Variants in KCNA2 observed in about 807,000 individuals in gnomAD.
The protein encoded by KCNA2 is potassium voltage-gated channel subfamily A member 2, also known as potassium channel, voltage gated shaker related subfamily A, member 2.
KCNA2 carries 11 observed loss-of-function variants against 33.4 expected under a neutral mutation model. That is an observed-to-expected ratio of 0.33 (90% CI 0.21 to 0.55). The LOEUF (loss-of-function observed/expected upper bound fraction) is 0.55. Among genes scored for constraint, KCNA2 ranks in the 20% least tolerant of loss-of-function variants. The probability of loss-of-function intolerance (pLI) is 0.93; values close to 1 mark genes in which losing one functional copy is unlikely to be tolerated. For synonymous variants in KCNA2, 222 were observed against 231.3 expected, an observed-to-expected ratio of 0.96 and a Z score of 0.37; for missense variants, 291 against 621.6, an observed-to-expected ratio of 0.47 and a Z score of 5.66.
chr1:110,617,802 G>C (rs1431111667), intron 1 of KCNA2, among the ~76,000 whole-genome samples: 1 of 152,250 alleles, frequency 6.6e-6, no homozygotes, highest in African/African-American at 2.4e-5. Flanking sequence ...ACCTGTGTGT[G>C]TGCACTCATG....
intron 1 of KCNA2, among the ~76,000 whole-genome samples, chr1:110,630,317 G>A (rs1353391388): frequency 6.6e-6 from 1 of 151,730 alleles, no homozygotes; most frequent in Non-Finnish European, 1.5e-5. Context: ...CACCACACCC[G>A]GCCAGTGCTC....
rs965513590 is a variant in KCNA2 at position 110,594,862 on chromosome 1, T to C, written c.*8421A>G. The C allele has an allele frequency of 2.0e-6, 2 of 985,474 alleles. No homozygotes were observed. The highest frequency in any genetic ancestry group is 3.5e-5 in the African/African-American group (2 of 57,364). The allele number at this position is 985,474 out of a possible 1,614,324, so 61.0% of individuals were successfully genotyped here. On this transcript the variant is annotated 3_prime_UTR_variant, in exon 3 of 3. Coordinates refer to ENST00000316361, the MANE Select transcript of KCNA2 (RefSeq NM_004974.4). ...AGCCCCACCTGGCAGGTCAAAGTCC[T>C]TGCCCTACACTTCATAGGCTAAAAA...
chr1:110,620,451 A>C (rs1283002962), intron 1 of KCNA2, among the ~76,000 whole-genome samples: 1 of 151,880 alleles, frequency 6.6e-6, no homozygotes, highest in Non-Finnish European at 1.5e-5. Context: ...ATGGCTGCCC[A>C]TCGTCTCACC....
intron 1 of KCNA2, among the ~76,000 whole-genome samples, chr1:110,629,345 G>A (rs932175966): frequency 9.9e-5 from 15 of 152,134 alleles, no homozygotes; most frequent in Admixed American, 9.8e-4. Flanking sequence ...TTTTGGAAAT[G>A]CATTTTTATT....
rs761826388 is a variant in KCNA2, at chr1:110,603,395, T to C, written c.1388A>G (p.Glu463Gly). Residue 463 changes from glutamate (E) to glycine (G), a missense_variant, in exon 3 of 3, where the codon GAG (glutamate) becomes GGG (glycine). Physicochemically the swap from Glu to Gly is moderately conservative, Grantham distance 98. This residue lies in a region of KCNA2 where 65 missense variants were observed against 95.1 expected (regional missense o/e 0.68). Transcript: ENST00000316361. The surrounding 1 kb of genome is among the most constrained non-coding windows in gnomAD (Gnocchi z 5.7). ...GTCCTCATTACTGTTATTTACACCCTCCTGGATCTCCATGTAATCAGACTT... is the reference window on the plus strand; with the variant it reads ...GTCCTCATTACTGTTATTTACACCCCCCTGGATCTCCATGTAATCAGACTT... ...ISKSDYMEIQ[E>G]GVNNSNEDFR... 2 of 1,614,230 alleles carry C rather than the reference T, an allele frequency of 1.2e-6. No individual in the cohort carries two copies. The highest frequency in any genetic ancestry group is 3.3e-5 in the Admixed American group (2 of 60,032).
Position 110,601,865 on chromosome 1 carries a change from C to A in KCNA2, c.*1418G>T, listed in dbSNP as rs990666012. 7.9e-5 allele frequency: 114 copies of A among 1,442,386 alleles called. No individual in the cohort carries two copies. Among genetic ancestry groups the A allele is most frequent in the Non-Finnish European group, 9.8e-5 (108 of 1,102,852 alleles). The allele number at this position is 1,442,386 out of a possible 1,614,324, so 89.3% of individuals were successfully genotyped here. On this transcript the variant is annotated 3_prime_UTR_variant, in exon 3 of 3. Transcript: ENST00000316361. ...ACACATATGTATGTATATATATACA[C>A]CCTAGTGCACATAGTCAAACACATG...
intron 1 of KCNA2, among the ~76,000 whole-genome samples, chr1:110,614,795 C>A (rs1649996173): frequency 6.6e-6 from 1 of 152,186 alleles, no homozygotes; most frequent in Non-Finnish European, 1.5e-5. Context: ...GAGAGGACAT[C>A]AAGGCTCAGA....
At position 110,598,090 on chromosome 1, in the gene KCNA2, T is replaced by C; in HGVS notation, c.*5193A>G. ...TCTGCGCGTTGGCTCAGGTGACTGATGATGTTAATGAGGTTAAGGTCATGA... is the reference window on the plus strand; with the variant it reads ...TCTGCGCGTTGGCTCAGGTGACTGACGATGTTAATGAGGTTAAGGTCATGA... On this transcript the variant is annotated 3_prime_UTR_variant, in exon 3 of 3. Transcript: ENST00000316361. 1 of 984,076 alleles carries C rather than the reference T, an allele frequency of 1.0e-6. No individual in the cohort carries two copies. The highest frequency in any genetic ancestry group is 1.2e-6 in the Non-Finnish European group (1 of 828,782). 61.0% of individuals were successfully genotyped at this position (984,076 alleles called of 1,614,324 possible).
upstream of KCNA2, among the ~76,000 whole-genome samples, chr1:110,609,033 C>T (rs914211665): frequency 1.3e-5 from 2 of 152,102 alleles, no homozygotes; most frequent in African/African-American, 4.8e-5. Flanking sequence ...CAGATTGCCC[C>T]GCCCTTTACT....
chr1:110,602,383 G>A lies in KCNA2; in HGVS notation c.*900C>T. On this transcript the variant is annotated 3_prime_UTR_variant, in exon 3 of 3. Transcript: ENST00000316361. ...GGTTATCTCCTGTGTTTTAAATATTGAGATTCATGCAACAAACACCCATGC... is the reference window on the plus strand; with the variant it reads ...GGTTATCTCCTGTGTTTTAAATATTAAGATTCATGCAACAAACACCCATGC... The A allele has an allele frequency of 7.1e-7, 1 of 1,399,632 alleles. No homozygotes were observed. Among genetic ancestry groups the A allele is most frequent in the South Asian group, 1.7e-5 (1 of 59,532 alleles). The allele number at this position is 1,399,632 out of a possible 1,614,324, so 86.7% of individuals were successfully genotyped here.
chr1:110,598,813 C>A lies in KCNA2; in HGVS notation c.*4470G>T. On this transcript the variant is annotated 3_prime_UTR_variant, in exon 3 of 3. Transcript: ENST00000316361. ...TACTGAAGTTTCAGAAAGCACAGAG[C>A]CTTAATTATTTTCTTAATTAAATGT... 2 of 985,254 alleles carry A rather than the reference C, an allele frequency of 2.0e-6. No homozygotes were observed. Among genetic ancestry groups the A allele is most frequent in the Non-Finnish European group, 2.4e-6 (2 of 829,832 alleles). The allele number at this position is 985,254 out of a possible 1,614,324, so 61.0% of individuals were successfully genotyped here.
chr1:110,594,129 T>A lies in KCNA2; in HGVS notation c.*9154A>T. On this transcript the variant is annotated 3_prime_UTR_variant, in exon 3 of 3. Transcript: ENST00000316361. ...TTCTGCTATTGATCCCAAGGAGGCT[T>A]ATTTATCTACCTCTTTGAGTTTTCA... 7.3e-7 allele frequency: 1 copy of A among 1,376,580 alleles called. No individual in the cohort carries two copies. 85.3% of individuals were successfully genotyped at this position (1,376,580 alleles called of 1,614,324 possible).
chr1:110,610,377 C>T (rs901412190), upstream of KCNA2, among the ~76,000 whole-genome samples: 7 of 152,216 alleles, frequency 4.6e-5, no homozygotes, highest in Admixed American at 4.6e-4. Context: ...TGACTGCTGC[C>T]TCTGCTTGAT....
In KCNA2 at chr1:110,594,660, A is replaced by G; in HGVS notation, c.*8623T>C. ...GGCCCTTCAAATGAAGGAACCATCC[A>G]AGCACGACAACAAAAGGAAACTGGG... is the stretch of plus-strand genomic sequence containing the variant. On this transcript the variant is annotated 3_prime_UTR_variant, in exon 3 of 3. Transcript: ENST00000316361. 1.0e-6 allele frequency: 1 copy of G among 985,416 alleles called. No individual in the cohort carries two copies. Among genetic ancestry groups the G allele is most frequent in the Non-Finnish European group, 1.2e-6 (1 of 829,978 alleles). The allele number at this position is 985,416 out of a possible 1,614,324, so 61.0% of individuals were successfully genotyped here. A position where few individuals can be genotyped will look rare whatever the true frequency, so the allele number is the denominator to read the frequency against.
upstream of KCNA2, among the ~76,000 whole-genome samples, chr1:110,608,789 C>T (rs569770627): frequency 1.2e-4 from 18 of 152,304 alleles, no homozygotes; most frequent in African/African-American, 4.3e-4. Context: ...TAAGTTATTT[C>T]ACTTCTCTGG....
intron 1 of KCNA2, among the ~76,000 whole-genome samples, chr1:110,617,820 C>T (rs764411312): frequency 6.6e-5 from 10 of 152,090 alleles, no homozygotes; most frequent in Non-Finnish European, 1.3e-4. Context: ...ATGCATGTGT[C>T]GAGGGATGGA....
In KCNA2 at chr1:110,600,737, C is replaced by T. The variant is rs1649303101; in HGVS notation, c.*2546G>A. 1.0e-6 allele frequency: 1 copy of T among 985,316 alleles called. No individual in the cohort carries two copies. The highest frequency in any genetic ancestry group is 1.7e-5 in the African/African-American group (1 of 57,214). The allele number at this position is 985,316 out of a possible 1,614,324, so 61.0% of individuals were successfully genotyped here. A position where few individuals can be genotyped will look rare whatever the true frequency, so the allele number is the denominator to read the frequency against. On this transcript the variant is annotated 3_prime_UTR_variant, in exon 3 of 3. Coordinates refer to ENST00000316361, the MANE Select transcript of KCNA2 (RefSeq NM_004974.4). ...GATCTGTGTCCCTCCCACCCCATGC[C>T]TTGGAAATTCAGCACCACCTCCCAT... is the stretch of plus-strand genomic sequence containing the variant.
At position 110,603,270 on chromosome 1, in the gene KCNA2, T is replaced by C; in HGVS notation, c.*13A>G. The C allele has an allele frequency of 3.8e-6, 6 of 1,589,076 alleles. No homozygotes were observed. Among genetic ancestry groups the C allele is most frequent in the Non-Finnish European group, 5.1e-6 (6 of 1,168,058 alleles). On this transcript the variant is annotated 3_prime_UTR_variant, in exon 3 of 3. Coordinates refer to ENST00000316361, the MANE Select transcript of KCNA2 (RefSeq NM_004974.4). The surrounding 1 kb of genome is among the most constrained non-coding windows in gnomAD (Gnocchi z 5.7). ...TAGTTCCATTGAGCTGTGAGTACGGTAATAGGTTTCAATCAGACATCAGTT... is the reference window on the plus strand; with the variant it reads ...TAGTTCCATTGAGCTGTGAGTACGGCAATAGGTTTCAATCAGACATCAGTT...
chr1:110,602,001 A>G lies in KCNA2; in HGVS notation c.*1282T>C. 2 of 1,542,012 alleles carry G rather than the reference A, an allele frequency of 1.3e-6. No homozygotes were observed. The highest frequency in any genetic ancestry group is 2.4e-5 in the South Asian group (2 of 82,946). Reference sequence around the variant, plus strand: ...AACGCGTGAAAGAGAGATACTCGATATATATTTATATACACTGGATCCACA... The same window carrying G: ...AACGCGTGAAAGAGAGATACTCGATGTATATTTATATACACTGGATCCACA... On this transcript the variant is annotated 3_prime_UTR_variant, in exon 3 of 3. Coordinates refer to ENST00000316361, the MANE Select transcript of KCNA2 (RefSeq NM_004974.4).
Sources: allele counts gnomAD v4.1 joint callset (sites outside exome capture counted in the v4.1 genomes callset), GRCh38; gene constraint gnomAD v4.1.1; regional missense constraint gnomAD v4.1.1; non-coding constraint Gnocchi (gnomAD v3.1); transcripts MANE v1.5; gene names NCBI Gene and HGNC (gene_info 2026-07-23, HGNC 2026-07-21).